The following CRLF2 variants were observed in gnomAD, a reference collection of about 807,000 sequenced individuals.
CRLF2 encodes the protein cytokine receptor like factor 2.
Under a neutral mutation model 38.7 loss-of-function variants are expected in CRLF2, and 41 were observed. The ratio of observed to expected loss-of-function variants is 1.06; its 90% CI spans 0.83 to 1.37. The LOEUF (loss-of-function observed/expected upper bound fraction) is 1.37. Among genes scored for constraint, CRLF2 ranks in the 40% most tolerant of loss-of-function variants. CRLF2 has a pLI of 0.00. For synonymous variants in CRLF2, 140 were observed against 128.8 expected (o/e 1.09, Z -0.59); for missense variants, 377 against 322.2 (o/e 1.17, Z -1.30).
chrX:1,204,719 G>T (rs1882305754), intron 3 of CRLF2, among the ~76,000 whole-genome samples: 1 of 150,872 alleles, frequency 6.6e-6, no homozygotes, highest in South Asian at 2.1e-4. Context: ...TAGAGACGGG[G>T]TTTCACCACG....
chrX:1,200,545 TGTGGGTATATATATGTGTATATAAG>T (rs2086584964), intron 4 of CRLF2, among the ~76,000 whole-genome samples: 1 of 148,528 alleles, frequency 6.7e-6, no homozygotes. Flanking sequence ...TGTATATATG[TGTGGGTATATATATGTGTATATAAG>T]CTGTGTGTGT....
Position 1,209,166 on chromosome X carries a change from A to G in CRLF2, c.80-258T>C, listed in dbSNP as rs1401480894. On this transcript the variant is annotated intron_variant, in intron 1 of 7. Transcript: ENST00000400841. Reference sequence around the variant, plus strand: ...GTATTTTTAGTAGAGACGGGGTTTCACCGTGTTAGCCAGGATGGTCTCGAT... The same window carrying G: ...GTATTTTTAGTAGAGACGGGGTTTCGCCGTGTTAGCCAGGATGGTCTCGAT... 2.6e-5 allele frequency among the ~76,000 whole-genome samples: 4 copies of G among 151,834 alleles called. No homozygotes were observed. The East Asian group carries it at 7.8e-4, about 30-fold the overall frequency.
intron 7 of CRLF2, among the ~76,000 whole-genome samples, chrX:1,192,732 CTT>C: frequency 1.0e-5 from 1 of 96,208 alleles, no homozygotes; most frequent in Non-Finnish European, 2.3e-5. Context: ...TTCTTTCTTT[CTT>C]TCTTTCTTTC....
intron 4 of CRLF2, among the ~76,000 whole-genome samples, chrX:1,199,720 A>C (rs1490342866): frequency 1.3e-5 from 2 of 151,938 alleles, no homozygotes; most frequent in Non-Finnish European, 2.9e-5. Context: ...TACCAATAAG[A>C]TATCTCTATA....
chrX:1,197,538 G>A (rs184900349), intron 5 of CRLF2, among the ~76,000 whole-genome samples: 17,231 of 151,976 alleles, frequency 0.11, 1,247 homozygotes, highest in African/African-American at 0.2. Context: ...GTCAAAGGCC[G>A]GGCGCGGTGG....
chrX:1,192,782 T>G, intron 7 of CRLF2, among the ~76,000 whole-genome samples: 1 of 143,816 alleles, frequency 7.0e-6, no homozygotes, highest in South Asian at 2.2e-4. Context: ...CCTTCCTCTC[T>G]CCCCCTTTCC....
intron 6 of CRLF2, among the ~76,000 whole-genome samples, chrX:1,193,649 G>A (rs2086431354): frequency 1.3e-5 from 2 of 151,996 alleles, no homozygotes. Context: ...GGGCGTGGTG[G>A]TGGGCACCTG....
intron 7 of CRLF2, among the ~76,000 whole-genome samples, chrX:1,192,778 TCTCTCCCCCTTTCCTCCC>T (rs2086416322): frequency 4.9e-5 from 7 of 144,240 alleles, no homozygotes; most frequent in South Asian, 2.2e-4. Flanking sequence ...CCTTCCTTCC[TCTCTCCCCCTTTCCTCCC>T]TCCTTCCTTC....
intron 1 of CRLF2, among the ~76,000 whole-genome samples, chrX:1,212,082 G>C (rs1230593228): frequency 6.6e-6 from 1 of 151,352 alleles, no homozygotes; most frequent in Non-Finnish European, 1.5e-5. Context: ...GAATGTATGA[G>C]TGGATGAATC....
chrX:1,199,438 C>G (rs2086561510), intron 4 of CRLF2, among the ~76,000 whole-genome samples: 1 of 151,940 alleles, frequency 6.6e-6, no homozygotes, highest in Non-Finnish European at 1.5e-5. Flanking sequence ...CCGAGTAGCT[C>G]GGATTACAGG....
intron 1 of CRLF2, among the ~76,000 whole-genome samples, chrX:1,210,704 G>T (rs1181519987): frequency 6.6e-6 from 1 of 152,148 alleles, no homozygotes; most frequent in African/African-American, 2.4e-5. Context: ...GTATCTGGAG[G>T]ATAGATAGAT....
Position 1,192,072 on chromosome X carries a change from G to A in CRLF2, c.853-912C>T, listed in dbSNP as rs1213096298. Among the ~76,000 whole-genome samples, 161 of 149,350 alleles carry A rather than the reference G, an allele frequency of 1.1e-3. 1 individual carries two copies. Among genetic ancestry groups the A allele is most frequent in the East Asian group, 0.01 (49 of 4,852 alleles). On this transcript the variant is annotated intron_variant, in intron 7 of 7. Transcript: ENST00000400841. ...TACAAAAAATCAGCCGGGTGTGGTG[G>A]CGGGCGCCTGTAGTCCCAGCTACTT...
chrX:1,197,870 G>A (rs1390916398), intron 5 of CRLF2, among the ~76,000 whole-genome samples: 11 of 151,546 alleles, frequency 7.3e-5, no homozygotes, highest in Admixed American at 5.9e-4. Flanking sequence ...GTGTGGTGGC[G>A]TGTACACTGT....
rs182629712 is a variant in CRLF2 at position 1,206,018 on chromosome X, A to G, written c.349+415T>C. Among the ~76,000 whole-genome samples, 211 of 152,112 alleles carry G rather than the reference A, an allele frequency of 1.4e-3. 1 individual carries two copies. Among genetic ancestry groups the G allele is most frequent in the African/African-American group, 4.8e-3 (199 of 41,492 alleles). On this transcript the variant is annotated intron_variant, in intron 3 of 7. Coordinates refer to ENST00000400841, the MANE Select transcript of CRLF2 (RefSeq NM_022148.4). ...TTGCTTTTCAGTGGTTACGGTAATC[A>G]TTGATCCAGCGACTATCATGAGATT...
At chrX:1,197,675 T>G (rs1338409435) in intron 5 of CRLF2, among the ~76,000 whole-genome samples, 2 of 151,658 alleles carry the variant, frequency 1.3e-5, no homozygotes, top group East Asian at 1.9e-4. Context: ...TTAGGCGGGC[T>G]TGGTGGTGCG....
chrX:1,209,287 C>A, intron 1 of CRLF2, among the ~76,000 whole-genome samples: 1 of 97,848 alleles, frequency 1.0e-5, no homozygotes, highest in South Asian at 3.3e-4. Context: ...CATTGTATTG[C>A]ATTGTATTGT....
intron 7 of CRLF2, among the ~76,000 whole-genome samples, 187 bp from the exon 8 acceptor site, chrX:1,191,347 T>TTTCCTTTCTTTC (rs2086375558): frequency 1.1e-5 from 1 of 91,676 alleles, no homozygotes; most frequent in African/African-American, 4.0e-5. Context: ...CTTTCTTTCC[T>TTTCCTTTCTTTC]TCTTTCTTTC....
intron 6 of CRLF2, among the ~76,000 whole-genome samples, chrX:1,193,773 C>A (rs2086434063): frequency 8.5e-6 from 1 of 118,128 alleles, no homozygotes; most frequent in Non-Finnish European, 1.7e-5. Flanking sequence ...CAGAGCGAGA[C>A]TCCATCTCAA....
chrX:1,198,619 C>T lies in CRLF2; in HGVS notation c.589G>A (p.Asp197Asn). 1 of 1,613,680 alleles carries T rather than the reference C, an allele frequency of 6.2e-7. No homozygotes were observed. The highest frequency in any genetic ancestry group is 8.5e-7 in the Non-Finnish European group (1 of 1,179,680). Residue 197 changes from aspartate (D) to asparagine (N), a missense_variant, in exon 5 of 8, where the codon GAC (aspartate) becomes AAC (asparagine). Transcript: ENST00000400841. ...VKAMEDVYGP[D>N]TYPSDWSEVT... is the part of the protein sequence containing the mutation. ...TCTGACCAGTCGCTTGGGTATGTGT[C>T]TGGCCCATATACATCCTCCATAGCC...
Sources: gnomAD v4.1 joint callset for allele counts (sites outside exome capture counted in the v4.1 genomes callset) on GRCh38, gnomAD v4.1.1 for gene constraint, MANE v1.5 for transcripts, NCBI Gene and HGNC (gene_info 2026-07-23, HGNC 2026-07-21) for gene names.